Variants in MED30 observed in about 807,000 individuals in gnomAD.
MED30 encodes the protein mediator complex subunit 30, also known as mediator of RNA polymerase II transcription subunit 30.
A neutral mutation model predicts 21.7 loss-of-function variants in MED30; 8 were observed. The observed-to-expected ratio is 0.37, with a 90% confidence interval of 0.22 to 0.67. MED30 has a LOEUF of 0.67. Among genes scored for constraint, MED30 ranks in the 30% least tolerant of loss-of-function variants. MED30 has a pLI of 0.58. For synonymous variants in MED30, 79 were observed against 86.7 expected, an observed-to-expected ratio of 0.91 and a Z score of 0.49; for missense variants, 203 against 228.2, an observed-to-expected ratio of 0.89 and a Z score of 0.71.
chr8:117,536,851 A>G (rs1433650035), intron 3 of MED30, among the ~76,000 whole-genome samples: 1 of 152,208 alleles, frequency 6.6e-6, no homozygotes, highest in African/African-American at 2.4e-5. Flanking sequence ...ACATTGTAAG[A>G]AGAAGAATTG....
chr8:117,528,622 T>A, intron 1 of MED30, 29 bp from the exon 2 acceptor site: 1 of 1,532,908 alleles, frequency 6.5e-7, no homozygotes, highest in African/African-American at 1.4e-5. Context: ...CATTACTTGA[T>A]ATTTTTATTC....
At chr8:117,530,516 T>A in intron 2 of MED30, 1 of 362,348 alleles carries the variant, frequency 2.8e-6, no homozygotes. Flanking sequence ...AAGGCTGTTT[T>A]GCAAAAGAAA....
intron 1 of MED30, chr8:117,523,719 A>G: frequency 1.3e-6 from 2 of 1,510,960 alleles, no homozygotes; most frequent in Non-Finnish European, 1.8e-6. Context: ...CTTAAAAAGG[A>G]GTTCATAGGC....
chr8:117,538,995 G>A (rs1177569749), intron 3 of MED30, among the ~76,000 whole-genome samples: 2 of 152,054 alleles, frequency 1.3e-5, no homozygotes, highest in African/African-American at 2.4e-5. Flanking sequence ...TTTCTATATC[G>A]ACAGTTTACA....
intron 2 of MED30, among the ~76,000 whole-genome samples, chr8:117,530,100 C>A (rs1376163476): frequency 6.6e-6 from 1 of 151,978 alleles, no homozygotes; most frequent in Non-Finnish European, 1.5e-5. Context: ...ACTAACCATG[C>A]ATACTTAATT....
intron 3 of MED30, among the ~76,000 whole-genome samples, chr8:117,537,679 A>G (rs192045214): frequency 2.3e-3 from 346 of 152,292 alleles, no homozygotes; most frequent in Middle Eastern, 3.4e-3. Context: ...ATATTTCCAA[A>G]TGAGGATTCT....
At position 117,539,983 on chromosome 8, in the gene MED30, A is replaced by T. The variant is rs1818952272; in HGVS notation, c.*5A>T. 1 of 1,549,694 alleles carries T rather than the reference A, an allele frequency of 6.5e-7. No individual in the cohort carries two copies. The highest frequency in any genetic ancestry group is 8.8e-7 in the Non-Finnish European group (1 of 1,130,796). On this transcript the variant is annotated 3_prime_UTR_variant, in exon 4 of 4. Transcript: ENST00000297347. ...ATGTTGGCAATGAGGAACTAAGCTG[A>T]TATTTAAATTTCCTGCTTTACACAT...
At chr8:117,523,741 G>T (rs967691221) in intron 1 of MED30, 8 of 1,276,342 alleles carry the variant, frequency 6.3e-6, no homozygotes, top group Non-Finnish European at 8.8e-6. Context: ...AGGCGCGGTG[G>T]CTCACGCCTG....
rs1458675120 is a variant in MED30, at chr8:117,540,115, T to G, written c.*137T>G. ...TAAAGTTTTTATTTTTACATTGTGA[T>G]TTTTACATTAAAATATTAACTTTTT... is the stretch of plus-strand genomic sequence containing the variant. On this transcript the variant is annotated 3_prime_UTR_variant, in exon 4 of 4. Coordinates refer to ENST00000297347, the MANE Select transcript of MED30 (RefSeq NM_080651.4). The G allele has an allele frequency of 2.2e-6, 1 of 459,654 alleles. No individual in the cohort carries two copies. The highest frequency in any genetic ancestry group is 3.7e-6 in the Non-Finnish European group (1 of 266,986). 28.5% of individuals were successfully genotyped at this position (459,654 alleles called of 1,614,324 possible).
intron 1 of MED30, chr8:117,523,434 C>T: frequency 6.4e-7 from 1 of 1,570,842 alleles, no homozygotes; most frequent in Non-Finnish European, 8.7e-7. Flanking sequence ...GCTCACCCTC[C>T]AGACCTTTAG....
intron 1 of MED30, 94 bp downstream of exon 1, chr8:117,521,147 G>C (rs1818610353): frequency 8.3e-7 from 1 of 1,203,310 alleles, no homozygotes; most frequent in South Asian, 1.6e-5. Flanking sequence ...ATGTCATCGG[G>C]GCTGCCCTGG....
intron 2 of MED30, among the ~76,000 whole-genome samples, chr8:117,530,198 A>G (rs1470464760): frequency 6.6e-6 from 1 of 152,018 alleles, no homozygotes; most frequent in Non-Finnish European, 1.5e-5. Flanking sequence ...TAAGACATCT[A>G]GAAGTTTGCA....
intron 1 of MED30, among the ~76,000 whole-genome samples, chr8:117,526,302 T>C (rs1818719300): frequency 6.6e-6 from 1 of 152,100 alleles, no homozygotes; most frequent in African/African-American, 2.4e-5. Context: ...TCTTCTCTAA[T>C]TGCATTGGCT....
At chr8:117,521,430 A>T (rs570201433) in intron 1 of MED30, among the ~76,000 whole-genome samples, 91 of 151,258 alleles carry the variant, frequency 6.0e-4, no homozygotes, top group African/African-American at 1.3e-3. Flanking sequence ...CATTTTTTTT[A>T]AAAAAACAGT....
Position 117,535,239 on chromosome 8 carries a change from C to CTTT in MED30, c.441+4431_441+4433dup, listed in dbSNP as rs957435711. 2.2e-4 allele frequency among the ~76,000 whole-genome samples: 28 copies of CTTT among 125,736 alleles called. 1 individual carries two copies. The highest frequency in any genetic ancestry group is 4.5e-4 in the African/African-American group (15 of 33,258). 82.5% of individuals were successfully genotyped at this position (125,736 alleles called of 152,430 possible). A position where few individuals can be genotyped will look rare whatever the true frequency, so the allele number is the denominator to read the frequency against. On this transcript the variant is annotated intron_variant, in intron 3 of 3. Transcript: ENST00000297347. ...ATACTGAGCTCGTGATCCATTGATACTTTTTTTTTTTTTTTTTTTTTGAGA... is the reference window on the plus strand; with the variant it reads ...ATACTGAGCTCGTGATCCATTGATACTTTTTTTTTTTTTTTTTTTTTTTTGAGA...
chr8:117,524,793 T>C (rs935499414), intron 1 of MED30, among the ~76,000 whole-genome samples: 13 of 152,222 alleles, frequency 8.5e-5, no homozygotes, highest in African/African-American at 2.9e-4. Flanking sequence ...TAAGCAAATG[T>C]TTATGTATAT....
chr8:117,530,965 A>G (rs1818785326), intron 3 of MED30, 138 bp downstream of exon 3: 1 of 649,026 alleles, frequency 1.5e-6, no homozygotes, highest in East Asian at 2.8e-5. Flanking sequence ...CCTATTTAGA[A>G]TACAGCCAAG....
Position 117,530,769 on chromosome 8 carries a change from G to T in MED30, c.383G>T (p.Arg128Leu), listed in dbSNP as rs755972981. 1.2e-6 allele frequency: 2 copies of T among 1,612,046 alleles called. No individual in the cohort carries two copies. Among genetic ancestry groups the T allele is most frequent in the East Asian group, 4.5e-5 (2 of 44,802 alleles). Residue 128 changes from arginine (R) to leucine (L), a missense_variant, in exon 3 of 4, where the codon CGG becomes CTG. Physicochemically the swap from Arg to Leu is moderately radical, Grantham distance 102 (BLOSUM62 -2). Coordinates refer to ENST00000297347, the MANE Select transcript of MED30 (RefSeq NM_080651.4). ...VEEDGSKNDD[R>L]AGPPRFASEE... is the part of the protein sequence containing the mutation. The stretch of plus-strand genomic sequence containing the variant: ...GAAGATGGCTCAAAGAATGATGATC[G>T]GGCTGGCCCACCTCGTTTTGCTAGT...
chr8:117,530,513 T>C, intron 2 of MED30: 1 of 358,436 alleles, frequency 2.8e-6, no homozygotes. Context: ...ATAAAGGCTG[T>C]TTTGCAAAAG....
Sources: allele counts gnomAD v4.1 joint callset (sites outside exome capture counted in the v4.1 genomes callset), GRCh38; gene constraint gnomAD v4.1.1; transcripts MANE v1.5; gene names NCBI Gene and HGNC (gene_info 2026-07-23, HGNC 2026-07-21).